Variants in CDH12 observed in about 807,000 individuals in gnomAD.
CDH12 encodes the protein cadherin-12.
CDH12 carries 41 observed loss-of-function variants against 74.1 expected under a neutral mutation model. The ratio of observed to expected loss-of-function variants is 0.55; its 90% CI spans 0.43 to 0.72. CDH12 has a LOEUF of 0.72. Ranked by LOEUF, CDH12 falls within the 30% of genes least tolerant of loss-of-function variation. CDH12 has a pLI of 0.00. For missense variants in CDH12, 945 were observed against 977.2 expected (o/e 0.97, Z 0.44); for synonymous variants, 399 against 355.0 (o/e 1.12, Z -1.39).
At chr5:22,452,897 A>AAT (rs1554041804) in intron 2 of CDH12, among the ~76,000 whole-genome samples, 1 of 146,426 alleles carries the variant, frequency 6.8e-6, no homozygotes, top group Non-Finnish European at 1.5e-5. Flanking sequence ...AAAAAAAAAA[A>AAT]AAAAAAATGA....
chr5:21,924,527 T>C (rs1433040799), intron 6 of CDH12, among the ~76,000 whole-genome samples: 1 of 78,784 alleles, frequency 1.3e-5, no homozygotes, highest in Non-Finnish European at 3.4e-5. Context: ...AATAAATAAA[T>C]ACATGAATAC....
chr5:22,382,883 T>C (rs141436488), intron 3 of CDH12, among the ~76,000 whole-genome samples: 213 of 152,246 alleles, frequency 1.4e-3, no homozygotes, highest in African/African-American at 5.0e-3. Flanking sequence ...CAGGCTGTAG[T>C]GCAATGGCGC....
chr5:22,529,453 G>A (rs1214876815), intron 1 of CDH12, among the ~76,000 whole-genome samples: 1 of 151,406 alleles, frequency 6.6e-6, no homozygotes, highest in Non-Finnish European at 1.5e-5. Context: ...CCATTGGCAG[G>A]AAAAAAAACA....
chr5:22,493,214 C>T (rs2126643607), intron 2 of CDH12, among the ~76,000 whole-genome samples: 1 of 152,306 alleles, frequency 6.6e-6, no homozygotes, highest in South Asian at 2.1e-4. Context: ...ATTAAACTCC[C>T]AGTGTGCCTC....
intron 1 of CDH12, among the ~76,000 whole-genome samples, chr5:22,808,502 T>A (rs1206334891): frequency 6.6e-6 from 1 of 152,098 alleles, no homozygotes; most frequent in Admixed American, 6.6e-5. Context: ...TTAGTATAGA[T>A]TTTATTACAT....
intron 1 of CDH12, among the ~76,000 whole-genome samples, chr5:22,651,860 A>C (rs1177263645): frequency 6.6e-6 from 1 of 152,096 alleles, no homozygotes; most frequent in Non-Finnish European, 1.5e-5. Flanking sequence ...GTTTTTTAAA[A>C]AAAGATTATA....
chr5:22,571,574 G>T (rs761006963), intron 1 of CDH12, among the ~76,000 whole-genome samples: 7 of 152,172 alleles, frequency 4.6e-5, no homozygotes, highest in Non-Finnish European at 1.0e-4. Context: ...TGTTCCACCC[G>T]CCTTGGCCTC....
At chr5:21,827,399 A>T (rs1012121226) in intron 8 of CDH12, among the ~76,000 whole-genome samples, 4 of 152,138 alleles carry the variant, frequency 2.6e-5, no homozygotes, top group African/African-American at 9.7e-5. Flanking sequence ...TTTAAAAAAA[A>T]GGTCATTAGG....
At chr5:22,283,277 T>A (rs185575128) in intron 3 of CDH12, among the ~76,000 whole-genome samples, 1 of 116,520 alleles carries the variant, frequency 8.6e-6, no homozygotes, top group Non-Finnish European at 1.8e-5. Context: ...CACACACACA[T>A]ATACACACAT....
rs552837319 is a variant in CDH12 at position 22,569,812 on chromosome 5, A to G, written c.-522-64448T>C. 5.3e-5 allele frequency among the ~76,000 whole-genome samples: 8 copies of G among 152,232 alleles called. No homozygotes were observed. In the East Asian group the frequency reaches 1.6e-3, roughly 30 times the overall value. On this transcript the variant is annotated intron_variant, in intron 1 of 14. Coordinates refer to ENST00000382254, the MANE Select transcript of CDH12 (RefSeq NM_004061.5). ...TACCATACTTGCAGTTACTTCCTCT[A>G]CTAAAGTCTTGAACTCTTCTAAGTC...
chr5:21,952,672 C>G (rs186995613), intron 6 of CDH12, among the ~76,000 whole-genome samples: 1 of 152,052 alleles, frequency 6.6e-6, no homozygotes, highest in Non-Finnish European at 1.5e-5. Flanking sequence ...AGACACTATA[C>G]TTTCTGTTAT....
chr5:22,237,145 C>T (rs550723055), intron 3 of CDH12, among the ~76,000 whole-genome samples: 23 of 152,108 alleles, frequency 1.5e-4, no homozygotes, highest in Non-Finnish European at 2.5e-4. Flanking sequence ...CCAGCAGCAC[C>T]GCAAACAGGT....
At chr5:21,846,139 C>T (rs952521735) in intron 7 of CDH12, among the ~76,000 whole-genome samples, 1 of 152,160 alleles carries the variant, frequency 6.6e-6, no homozygotes, top group Non-Finnish European at 1.5e-5. Flanking sequence ...CAGATTTTCA[C>T]AAACTGTGCA....
At chr5:22,438,230 TC>T (rs1254793682) in intron 2 of CDH12, among the ~76,000 whole-genome samples, 2 of 152,018 alleles carry the variant, frequency 1.3e-5, no homozygotes, top group African/African-American at 4.8e-5. Flanking sequence ...TTCTTTTCAG[TC>T]CTCCTATTAC....
intron 4 of CDH12, among the ~76,000 whole-genome samples, chr5:22,154,961 C>T (rs961281848): frequency 1.3e-5 from 2 of 152,080 alleles, no homozygotes; most frequent in Admixed American, 1.3e-4. Context: ...GTGTTGGCAG[C>T]ATTTGTTTCC....
intron 1 of CDH12, among the ~76,000 whole-genome samples, chr5:22,584,309 A>C (rs966289695): frequency 3.3e-5 from 5 of 152,142 alleles, no homozygotes; most frequent in African/African-American, 1.2e-4. Flanking sequence ...CATGTTGATC[A>C]GGCTGGCCTC....
At chr5:21,878,016 G>C (rs988059693) in intron 6 of CDH12, among the ~76,000 whole-genome samples, 1 of 152,200 alleles carries the variant, frequency 6.6e-6, no homozygotes, top group Non-Finnish European at 1.5e-5. Context: ...GATGCCACAT[G>C]ACTTTGCAAT....
Position 21,833,237 on chromosome 5 carries a change from AATATAT to A in CDH12, c.814+8918_814+8923del, listed in dbSNP as rs1749257382. Among the ~76,000 whole-genome samples, 2 of 45,306 alleles carry A rather than the reference AATATAT, an allele frequency of 4.4e-5. 1 individual carries two copies. Among genetic ancestry groups the A allele is most frequent in the Non-Finnish European group, 6.3e-5 (2 of 31,862 alleles). The allele number at this position is 45,306 out of a possible 152,430, so 29.7% of individuals were successfully genotyped here. A position where few individuals can be genotyped will look rare whatever the true frequency, so the allele number is the denominator to read the frequency against. ...ATATATTATATGTTATATAACATAT[AATATAT>A]ATTATATATTATATAACATATAATA... is the stretch of plus-strand genomic sequence containing the variant. On this transcript the variant is annotated intron_variant, in intron 8 of 14. Transcript: ENST00000382254.
At position 21,842,250 on chromosome 5, in the gene CDH12, A is replaced by G; in HGVS notation, c.725T>C (p.Met242Thr). The change falls in exon 8 of 15, where the codon ATG (methionine) becomes ACG (threonine). Residue 242 changes from methionine (M) to threonine (T), a missense_variant. Met to Thr is a moderately conservative substitution (Grantham distance 81). Transcript: ENST00000382254. Reference sequence around the variant, plus strand: ...GGCTAATCCTCCAAGCTGTCCTCCCATATCCTTGGCTTGGATGAGTACTTG... The same window carrying G: ...GGCTAATCCTCCAAGCTGTCCTCCCGTATCCTTGGCTTGGATGAGTACTTG... ...QYQVLIQAKDMGGQLGGLAGT... is the reference protein window; with the variant it reads ...QYQVLIQAKDTGGQLGGLAGT... 1 of 1,613,304 alleles carries G rather than the reference A, an allele frequency of 6.2e-7. No homozygotes were observed. The highest frequency in any genetic ancestry group is 8.5e-7 in the Non-Finnish European group (1 of 1,179,444).
Sources: gnomAD v4.1 joint callset for allele counts (sites outside exome capture counted in the v4.1 genomes callset) on GRCh38, gnomAD v4.1.1 for gene constraint, MANE v1.5 for transcripts, NCBI Gene and HGNC (gene_info 2026-07-23, HGNC 2026-07-21) for gene names.